Variants in DLGAP2 observed in about 807,000 individuals in gnomAD.
DLGAP2 encodes disks large-associated protein 2.
DLGAP2 carries 26 observed loss-of-function variants against 100.3 expected under a neutral mutation model. The observed-to-expected ratio is 0.26, with a 90% CI of 0.19 to 0.36. The LOEUF (loss-of-function observed/expected upper bound fraction) is 0.36, where lower values mean the gene tolerates loss of function less well. DLGAP2 is among the 10% of genes least tolerant of loss of function. DLGAP2 has a pLI of 1.00. For synonymous variants in DLGAP2, 886 were observed against 630.1 expected (o/e 1.41, Z -6.08); for missense variants, 1,858 against 1,453.2 (o/e 1.28, Z -4.53).
intron 12 of DLGAP2, among the ~76,000 whole-genome samples, chr8:1,682,543 C>G (rs948283682): frequency 1.3e-5 from 2 of 151,632 alleles, no homozygotes; most frequent in African/African-American, 2.4e-5. Flanking sequence ...GGCACGATCT[C>G]AGCTCACTGC....
chr8:1,028,284 G>GGC (rs1247465015), intron 2 of DLGAP2, among the ~76,000 whole-genome samples: 1 of 139,872 alleles, frequency 7.1e-6, no homozygotes, highest in Non-Finnish European at 1.5e-5. Context: ...TGGGGTGTCA[G>GGC]GCGCCCGTTA....
chr8:1,389,904 G>A lies in DLGAP2; in HGVS notation c.107-111462G>A, dbSNP rs740241. Among the ~76,000 whole-genome samples the A allele has an allele frequency of 3.6e-3, 548 of 152,196 alleles. 11 individuals are homozygous for A. In the East Asian group the frequency reaches 0.051, roughly 14 times the overall value. ...AGTGATTGCTGAAAAACAGCTAGCAGGCGTCCCACAGAGAGGGGCCGCGGA... is the reference window on the plus strand; with the variant it reads ...AGTGATTGCTGAAAAACAGCTAGCAAGCGTCCCACAGAGAGGGGCCGCGGA... On this transcript the variant is annotated intron_variant, in intron 3 of 14. Transcript: ENST00000637795.
chr8:1,263,769 C>T (rs182601617), intron 3 of DLGAP2, among the ~76,000 whole-genome samples: 2 of 152,296 alleles, frequency 1.3e-5, no homozygotes, highest in Non-Finnish European at 2.9e-5. Context: ...TCTCTGCTCT[C>T]TGTGGAGAGG....
chr8:1,335,277 G>A (rs553292540), intron 3 of DLGAP2, among the ~76,000 whole-genome samples: 23 of 152,292 alleles, frequency 1.5e-4, no homozygotes, highest in Non-Finnish European at 2.9e-4. Flanking sequence ...TCTTTAGGGC[G>A]GCCTAATGAG....
intron 2 of DLGAP2, among the ~76,000 whole-genome samples, chr8:1,079,534 T>C (rs1475876272): frequency 6.6e-6 from 1 of 152,212 alleles, no homozygotes; most frequent in Non-Finnish European, 1.5e-5. Context: ...GCTCCCTTAT[T>C]CTATGTTTTG....
At chr8:1,638,816 G>A (rs1264938960) in intron 8 of DLGAP2, among the ~76,000 whole-genome samples, 2 of 152,214 alleles carry the variant, frequency 1.3e-5, no homozygotes, top group Admixed American at 1.3e-4. Flanking sequence ...CCGTAATGAT[G>A]GCTCCATTTA....
intron 3 of DLGAP2, among the ~76,000 whole-genome samples, chr8:1,317,866 A>G (rs1326120290): frequency 6.9e-6 from 1 of 144,186 alleles, no homozygotes; most frequent in Non-Finnish European, 1.5e-5. Context: ...AGCAGCTTTT[A>G]AAAATAGAGC....
chr8:1,174,028 C>T lies in DLGAP2; in HGVS notation c.74-84823C>T, dbSNP rs180865823. Reference sequence around the variant, plus strand: ...TCCTATTTGGCCATCTTGGCTCCTCCGCTCGATCCCATTGTTCATGACACA... The same window carrying T: ...TCCTATTTGGCCATCTTGGCTCCTCTGCTCGATCCCATTGTTCATGACACA... On this transcript the variant is annotated intron_variant, in intron 2 of 14. Coordinates refer to ENST00000637795, the MANE Select transcript of DLGAP2 (RefSeq NM_001346810.2). 2.1e-4 allele frequency among the ~76,000 whole-genome samples: 32 copies of T among 152,192 alleles called. 1 individual carries two copies. In the East Asian group the frequency reaches 2.1e-3, roughly 10 times the overall value.
At chr8:785,265 C>G (rs1440810821) in intron 1 of DLGAP2, among the ~76,000 whole-genome samples, 1 of 143,992 alleles carries the variant, frequency 6.9e-6, no homozygotes, top group Non-Finnish European at 1.5e-5. Flanking sequence ...CACGTCCTGA[C>G]ACTTCAGATG....
chr8:1,174,316 C>G (rs1460809416), intron 2 of DLGAP2, among the ~76,000 whole-genome samples: 1 of 151,922 alleles, frequency 6.6e-6, no homozygotes, highest in African/African-American at 2.4e-5. Context: ...TTACCATTAC[C>G]AAAATCATTA....
At chr8:841,103 C>T (rs1262127088) in intron 1 of DLGAP2, among the ~76,000 whole-genome samples, 2 of 152,180 alleles carry the variant, frequency 1.3e-5, no homozygotes, top group South Asian at 4.1e-4. Flanking sequence ...TTCTATAAAA[C>T]AACAGCCCTT....
chr8:742,768 C>T (rs75508775), intron 1 of DLGAP2, among the ~76,000 whole-genome samples: 3,401 of 152,138 alleles, frequency 0.022, 54 homozygotes, highest in Middle Eastern at 0.051. Context: ...CTGGCCTCCT[C>T]AAGTGCTGGG....
At chr8:1,550,809 A>T (rs1264663770) in intron 5 of DLGAP2, among the ~76,000 whole-genome samples, 1 of 152,192 alleles carries the variant, frequency 6.6e-6, no homozygotes, top group East Asian at 1.9e-4. Context: ...ACTTCTGAGG[A>T]TGCCACTCAG....
intron 4 of DLGAP2, among the ~76,000 whole-genome samples, chr8:1,507,223 G>C (rs1799953416): frequency 6.6e-6 from 1 of 152,208 alleles, no homozygotes; most frequent in South Asian, 2.1e-4. Flanking sequence ...GTCCATCAGG[G>C]AGGCTTGGGC....
intron 1 of DLGAP2, among the ~76,000 whole-genome samples, chr8:760,484 C>G (rs1043653714): frequency 6.6e-6 from 1 of 152,216 alleles, no homozygotes; most frequent in Non-Finnish European, 1.5e-5. Flanking sequence ...CTGTCCAAAA[C>G]TCTACCCTCA....
chr8:1,095,250 G>T (rs1013100354), intron 2 of DLGAP2, among the ~76,000 whole-genome samples: 1 of 152,188 alleles, frequency 6.6e-6, no homozygotes, highest in Non-Finnish European at 1.5e-5. Flanking sequence ...CCTCATAGTT[G>T]CGTTAGGGCC....
chr8:1,162,609 C>T (rs1274429873), intron 2 of DLGAP2, among the ~76,000 whole-genome samples: 2 of 152,194 alleles, frequency 1.3e-5, no homozygotes, highest in South Asian at 4.2e-4. Context: ...TGTGAGCGTG[C>T]ATAGCTTGAA....
chr8:1,230,079 T>G (rs1798503708), intron 2 of DLGAP2, among the ~76,000 whole-genome samples: 1 of 151,786 alleles, frequency 6.6e-6, no homozygotes, highest in Non-Finnish European at 1.5e-5. Context: ...ACTATTTGTC[T>G]TCACAGATGA....
At chr8:778,856 T>C (rs901688068) in intron 1 of DLGAP2, among the ~76,000 whole-genome samples, 8 of 152,262 alleles carry the variant, frequency 5.3e-5, no homozygotes, top group Non-Finnish European at 1.2e-4. Flanking sequence ...CCTTGAGCTG[T>C]GGTGGGCTCC....
Sources: allele counts gnomAD v4.1 joint callset (sites outside exome capture counted in the v4.1 genomes callset), GRCh38; gene constraint gnomAD v4.1.1; transcripts MANE v1.5; gene names NCBI Gene and HGNC (gene_info 2026-07-23, HGNC 2026-07-21).